Variants in ROBO2 observed in about 807,000 individuals in gnomAD.
ROBO2 encodes the protein roundabout guidance receptor 2, also known as roundabout homolog 2.
A neutral mutation model predicts 160.8 loss-of-function variants in ROBO2; 53 were observed. The observed-to-expected ratio is 0.33, with a 90% CI of 0.26 to 0.41. The LOEUF is 0.41. Among genes scored for constraint, ROBO2 ranks in the 10% least tolerant of loss-of-function variants. ROBO2 has a pLI of 1.00. For synonymous variants in ROBO2, 664 were observed against 611.7 expected (o/e 1.09, Z -1.26); for missense variants, 1,577 against 1,722.4 (o/e 0.92, Z 1.49).
rs2107594197 is a variant in ROBO2, at chr3:76,007,260, T to C, written c.109+69658T>C. Among the ~76,000 whole-genome samples the C allele has an allele frequency of 2.0e-5, 3 of 152,216 alleles. 1 individual carries two copies. Among genetic ancestry groups the C allele is most frequent in the Admixed American group, 2.0e-4 (3 of 15,286 alleles). On this transcript the variant is annotated intron_variant, in intron 2 of 26. Coordinates refer to the ROBO2 transcript ENST00000487694. ...AGGTCATTTGCACAGCTTGAGAAAA[T>C]GTTTTTATCAAACAGAGATTATGCA...
chr3:75,927,865 T>C (rs980579748), intron 1 of ROBO2, among the ~76,000 whole-genome samples: 1 of 152,192 alleles, frequency 6.6e-6, no homozygotes, highest in African/African-American at 2.4e-5. Context: ...TTTGTCTTGT[T>C]TGGAGTCTGT....
intron 2 of ROBO2, among the ~76,000 whole-genome samples, chr3:76,446,860 C>G (rs1317942887): frequency 6.6e-6 from 1 of 152,170 alleles, no homozygotes; most frequent in East Asian, 1.9e-4. Flanking sequence ...GAAACTGGAT[C>G]CCTTCCTTAC....
chr3:77,429,859 G>A (rs186856635), intron 2 of ROBO2, among the ~76,000 whole-genome samples: 1 of 151,962 alleles, frequency 6.6e-6, no homozygotes, highest in Non-Finnish European at 1.5e-5. Flanking sequence ...ACACCTTACG[G>A]TCTCTTAGCT....
intron 17 of ROBO2, among the ~76,000 whole-genome samples, chr3:77,592,849 GC>G (rs2094212250): frequency 6.6e-6 from 1 of 152,114 alleles, no homozygotes; most frequent in South Asian, 2.1e-4. Context: ...ACCATGCCCG[GC>G]CTCATGATAT....
chr3:77,322,809 T>A (rs1278114848), intron 2 of ROBO2, among the ~76,000 whole-genome samples: 45 of 131,248 alleles, frequency 3.4e-4, no homozygotes, highest in Non-Finnish European at 5.3e-4. Flanking sequence ...TATATTATAT[T>A]ATACATATGT....
chr3:77,156,492 G>A (rs981766461), intron 2 of ROBO2, among the ~76,000 whole-genome samples: 1 of 151,888 alleles, frequency 6.6e-6, no homozygotes, highest in Non-Finnish European at 1.5e-5. Flanking sequence ...TAAACCAATT[G>A]TCATACATAT....
intron 2 of ROBO2, among the ~76,000 whole-genome samples, chr3:76,927,563 A>G (rs1269250054): frequency 6.6e-6 from 1 of 152,224 alleles, no homozygotes; most frequent in Non-Finnish European, 1.5e-5. Flanking sequence ...ATTGTCAAGG[A>G]AAGAAATACC....
intron 5 of ROBO2, among the ~76,000 whole-genome samples, chr3:77,513,828 A>G (rs1005209265): frequency 1.3e-5 from 2 of 151,742 alleles, no homozygotes; most frequent in African/African-American, 2.4e-5. Context: ...CACGTTGTCC[A>G]GGGGCCAAAT....
At chr3:75,936,707 T>G (rs1335879150) in intron 1 of ROBO2, among the ~76,000 whole-genome samples, 3 of 152,094 alleles carry the variant, frequency 2.0e-5, no homozygotes, top group Non-Finnish European at 4.4e-5. Flanking sequence ...AGTTTATTCT[T>G]TAGAGCTACT....
At chr3:75,989,248 G>A (rs1289057170) in intron 2 of ROBO2, among the ~76,000 whole-genome samples, 1 of 152,024 alleles carries the variant, frequency 6.6e-6, no homozygotes, top group Admixed American at 6.6e-5. Context: ...CTCCCAAGTA[G>A]CTGGGACTAC....
chr3:76,199,472 T>C (rs1174047917), intron 2 of ROBO2, among the ~76,000 whole-genome samples: 4 of 152,158 alleles, frequency 2.6e-5, no homozygotes, highest in Non-Finnish European at 5.9e-5. Context: ...CCTAATTCCT[T>C]GAGACCCATA....
At chr3:77,385,233 G>A (rs1160694292) in intron 2 of ROBO2, among the ~76,000 whole-genome samples, 1 of 152,154 alleles carries the variant, frequency 6.6e-6, no homozygotes, top group Non-Finnish European at 1.5e-5. Context: ...GTTTCATTAT[G>A]TTGGCCAGGC....
chr3:77,407,251 T>G (rs190922747), intron 2 of ROBO2, among the ~76,000 whole-genome samples: 9 of 152,256 alleles, frequency 5.9e-5, no homozygotes, highest in African/African-American at 2.2e-4. Context: ...TTTTGGTGGA[T>G]TAAAAGAAAG....
intron 2 of ROBO2, among the ~76,000 whole-genome samples, chr3:76,300,441 T>C (rs1425860596): frequency 1.3e-5 from 2 of 152,006 alleles, no homozygotes; most frequent in Non-Finnish European, 2.9e-5. Flanking sequence ...GTGAGAGATA[T>C]ATTGAGCATG....
intron 2 of ROBO2, among the ~76,000 whole-genome samples, chr3:76,840,471 G>A (rs2148463042): frequency 6.6e-6 from 1 of 151,482 alleles, no homozygotes; most frequent in South Asian, 2.1e-4. Context: ...ATAGCTGGGT[G>A]TGGTGGCAGG....
At chr3:77,531,025 A>T in intron 6 of ROBO2, among the ~76,000 whole-genome samples, 1 of 152,010 alleles carries the variant, frequency 6.6e-6, no homozygotes, top group Non-Finnish European at 1.5e-5. Flanking sequence ...AACTCAAAAC[A>T]TGATGAGTAA....
intron 2 of ROBO2, among the ~76,000 whole-genome samples, chr3:76,460,441 G>C (rs1361274465): frequency 1.3e-5 from 2 of 152,176 alleles, no homozygotes; most frequent in African/African-American, 4.8e-5. Flanking sequence ...TAGACAAGTG[G>C]TGCTTTGTGG....
intron 2 of ROBO2, among the ~76,000 whole-genome samples, chr3:76,556,856 A>G (rs2083825353): frequency 6.6e-6 from 1 of 152,092 alleles, no homozygotes; most frequent in African/African-American, 2.4e-5. Context: ...TGACCTAACC[A>G]ACCCAACATA....
At position 77,300,846 on chromosome 3, in the gene ROBO2, CTATTTATTTATT is replaced by C. The variant is rs3070173; in HGVS notation, c.389-176534_389-176523del. 6.7e-3 allele frequency among the ~76,000 whole-genome samples: 977 copies of C among 146,356 alleles called. 6 individuals are homozygous for C. The highest frequency in any genetic ancestry group is 0.015 in the East Asian group (75 of 4,952). ...TTTAAACCTAAACTGAAATAATAGA[CTATTTATTTATT>C]TATTTATTTATTTATTTATTTATTT... On this transcript the variant is annotated intron_variant, in intron 2 of 25. Coordinates refer to ENST00000461745, the Ensembl canonical transcript of ROBO2.
Sources: allele counts gnomAD v4.1 joint callset (sites outside exome capture counted in the v4.1 genomes callset), GRCh38; gene constraint gnomAD v4.1.1; transcripts MANE v1.5; gene names NCBI Gene and HGNC (gene_info 2026-07-23, HGNC 2026-07-21).